The following APP variants were observed in gnomAD, a reference collection of about 807,000 sequenced individuals.
The protein encoded by APP is amyloid-beta precursor protein.
In APP, 31 loss-of-function variants were observed where a neutral mutation model predicts 101.4. That is an observed-to-expected ratio of 0.31 (90% CI 0.23 to 0.41). The LOEUF (loss-of-function observed/expected upper bound fraction) is 0.41. APP is among the 10% of genes least tolerant of loss of function. The probability of loss-of-function intolerance (pLI) is 1.00; values close to 1 mark genes in which losing one functional copy is unlikely to be tolerated. For synonymous variants in APP, 366 were observed against 364.4 expected (o/e 1.00, Z -0.05); for missense variants, 839 against 1,003.7 (o/e 0.84, Z 2.22).
At chr21:26,053,033 G>A (rs527242902) in intron 4 of APP, among the ~76,000 whole-genome samples, 4 of 152,150 alleles carry the variant, frequency 2.6e-5, no homozygotes, top group South Asian at 4.2e-4. Context: ...GGGGGTACAC[G>A]GGAACTCTAT....
intron 3 of APP, among the ~76,000 whole-genome samples, chr21:26,072,848 T>C (rs1368350027): frequency 6.6e-6 from 1 of 152,200 alleles, no homozygotes; most frequent in East Asian, 1.9e-4. Context: ...CAGATTTTTA[T>C]CCCAAATGGT....
intron 11 of APP, among the ~76,000 whole-genome samples, chr21:25,958,074 G>A (rs1037781542): frequency 6.6e-6 from 1 of 152,214 alleles, no homozygotes; most frequent in East Asian, 1.9e-4. Context: ...ATCTATGAAT[G>A]TTTTTGTAAG....
intron 13 of APP, among the ~76,000 whole-genome samples, chr21:25,930,222 C>T (rs564085842): frequency 6.6e-6 from 1 of 152,256 alleles, no homozygotes; most frequent in South Asian, 2.1e-4. Context: ...TCCCTAAAGC[C>T]GTGTCCTGTG....
At chr21:26,092,564 A>G (rs1309544015) in intron 2 of APP, among the ~76,000 whole-genome samples, 1 of 152,182 alleles carries the variant, frequency 6.6e-6, no homozygotes, top group Non-Finnish European at 1.5e-5. Context: ...GAAGATTTTT[A>G]GGGCAGTGAA....
intron 1 of APP, among the ~76,000 whole-genome samples, chr21:26,154,649 G>A (rs1214599321): frequency 6.6e-6 from 1 of 152,200 alleles, no homozygotes. Flanking sequence ...AGGGGATGCA[G>A]CAACATGAAG....
chr21:26,080,566 A>C (rs2061577301), intron 3 of APP, among the ~76,000 whole-genome samples: 1 of 151,978 alleles, frequency 6.6e-6, no homozygotes, highest in Non-Finnish European at 1.5e-5. Flanking sequence ...CAGGAGTTCA[A>C]GACCAGACTG....
intron 17 of APP, among the ~76,000 whole-genome samples, chr21:25,887,517 G>GA (rs199637906): frequency 0.072 from 8,242 of 113,860 alleles, 317 homozygotes; most frequent in East Asian, 0.094. Flanking sequence ...CTGCTTATTT[G>GA]AAAAAAAAAA....
chr21:26,135,249 T>C (rs112336725), intron 1 of APP, among the ~76,000 whole-genome samples: 10 of 152,246 alleles, frequency 6.6e-5, no homozygotes, highest in African/African-American at 2.2e-4. Context: ...CATGATTATC[T>C]ATGTAACAGC....
chr21:26,111,087 T>TAAAAAAAAAAAAAAAAAA (rs576900084), intron 2 of APP, among the ~76,000 whole-genome samples: 1 of 88,466 alleles, frequency 1.1e-5, no homozygotes, highest in Admixed American at 1.2e-4. Context: ...AAAGTTAAGT[T>TAAAAAAAAAAAAAAAAAA]AAAAAAAAAA....
At chr21:25,948,486 C>T (rs181782096) in intron 13 of APP, among the ~76,000 whole-genome samples, 18 of 152,266 alleles carry the variant, frequency 1.2e-4, no homozygotes, top group African/African-American at 4.3e-4. Flanking sequence ...TCTTTCAATC[C>T]TGCCCCATTC....
At chr21:26,094,238 TATTA>T (rs1266955490) in intron 2 of APP, among the ~76,000 whole-genome samples, 2 of 152,178 alleles carry the variant, frequency 1.3e-5, no homozygotes, top group African/African-American at 4.8e-5. Context: ...GATAAGGGAT[TATTA>T]ATTTAGATTT....
rs1389875152 is a variant in APP, at chr21:25,880,804, GGTTATTTTATTTAATTTATTTAT to G, written c.*843_*865del. 6.6e-6 allele frequency: 1 copy of G among 152,188 alleles called. No individual in the cohort carries two copies. Among genetic ancestry groups the G allele is most frequent in the Non-Finnish European group, 1.5e-5 (1 of 68,026 alleles). 9.4% of individuals were successfully genotyped at this position (152,188 alleles called of 1,614,324 possible). A position where few individuals can be genotyped will look rare whatever the true frequency, so the allele number is the denominator to read the frequency against. ...TCCTTCAAAGAAAAGTCTTGCCCGG[GGTTATTTTATTTAATTTATTTAT>G]GTAATACAGTGTAGAAAGCGATCAT... On this transcript the variant is annotated 3_prime_UTR_variant, in exon 18 of 18. Transcript: ENST00000346798.
chr21:26,035,211 G>A (rs928644453), intron 5 of APP, among the ~76,000 whole-genome samples: 8 of 152,102 alleles, frequency 5.3e-5, no homozygotes, highest in Non-Finnish European at 1.2e-4. Context: ...AGGCTACAGT[G>A]AGCCATGATC....
chr21:26,057,750 C>T (rs1177738340), intron 3 of APP, among the ~76,000 whole-genome samples: 1 of 152,168 alleles, frequency 6.6e-6, no homozygotes, highest in Non-Finnish European at 1.5e-5. Flanking sequence ...GACTGAAAAT[C>T]CAGGTCTCCA....
chr21:25,883,798 A>C (rs1187726016), intron 17 of APP, among the ~76,000 whole-genome samples: 1 of 152,226 alleles, frequency 6.6e-6, no homozygotes, highest in Non-Finnish European at 1.5e-5. Context: ...TCAGTCTGGG[A>C]GTGAGGTGGA....
At chr21:26,028,677 A>G (rs2146810920) in intron 5 of APP, among the ~76,000 whole-genome samples, 1 of 152,294 alleles carries the variant, frequency 6.6e-6, no homozygotes, top group South Asian at 2.1e-4. Flanking sequence ...TCATCCATTG[A>G]ATCATTCCAT....
chr21:25,924,435 A>T (rs2039790159), intron 13 of APP, among the ~76,000 whole-genome samples: 2 of 128,640 alleles, frequency 1.6e-5, no homozygotes, highest in African/African-American at 2.8e-5. Flanking sequence ...AAAGGAAAAA[A>T]AAAAAGGTTG....
At chr21:26,168,739 T>C (rs1165738278) in intron 1 of APP, among the ~76,000 whole-genome samples, 4 of 152,192 alleles carry the variant, frequency 2.6e-5, no homozygotes, top group African/African-American at 9.6e-5. Flanking sequence ...ATGAGAGAAA[T>C]CAGAATTCTC....
intron 1 of APP, among the ~76,000 whole-genome samples, chr21:26,144,990 A>C (rs1330560999): frequency 2.0e-5 from 3 of 152,200 alleles, no homozygotes; most frequent in African/African-American, 7.2e-5. Flanking sequence ...TAATACAATA[A>C]AACGTTCTTT....
Sources: allele counts gnomAD v4.1 joint callset (sites outside exome capture counted in the v4.1 genomes callset), GRCh38; gene constraint gnomAD v4.1.1; transcripts MANE v1.5; gene names NCBI Gene and HGNC (gene_info 2026-07-23, HGNC 2026-07-21).